CYP4F2: variants seen among roughly 807,000 people sequenced by gnomAD.
CYP4F2 encodes the protein cytochrome P450 family 4 subfamily F member 2, also known as cytochrome P450 4F2.
Under a neutral mutation model 58.9 loss-of-function variants are expected in CYP4F2, and 58 were observed. The ratio of observed to expected loss-of-function variants is 0.98; its 90% CI spans 0.80 to 1.23. CYP4F2 has a LOEUF of 1.23. Among genes scored for constraint, CYP4F2 ranks in the 50% most tolerant of loss-of-function variants. The pLI, the probability that CYP4F2 is intolerant of heterozygous loss-of-function variation, is 0.00. For missense variants in CYP4F2, 616 were observed against 685.6 expected (o/e 0.90, Z 1.13); for synonymous variants, 287 against 261.1 (o/e 1.10, Z -0.95).
At chr19:15,892,033 T>C (rs2089419125) in intron 5 of CYP4F2, among the ~76,000 whole-genome samples, 1 of 152,218 alleles carries the variant, frequency 6.6e-6, no homozygotes, top group Non-Finnish European at 1.5e-5. Context: ...ATTGTTGTCA[T>C]GACCCTCTTG....
rs565243980 is a variant in CYP4F2, at chr19:15,893,280, T to TCCCAGACCTCACACAACC, written c.344-716_344-699dup. Among the ~76,000 whole-genome samples, 1,180 of 151,840 alleles carry TCCCAGACCTCACACAACC rather than the reference T, an allele frequency of 7.8e-3. 17 individuals carry two copies. The highest frequency in any genetic ancestry group is 0.026 in the African/African-American group (1,072 of 41,352). On this transcript the variant is annotated intron_variant, in intron 3 of 12. Transcript: ENST00000221700. ...AGACAGTTCACATAGGGACCCTGGG[T>TCCCAGACCTCACACAACC]CCCAGACCTCACACAACCCCCAGAC...
intron 7 of CYP4F2, among the ~76,000 whole-genome samples, chr19:15,887,650 A>T (rs543045411): frequency 6.6e-6 from 1 of 151,838 alleles, no homozygotes; most frequent in South Asian, 2.1e-4. Flanking sequence ...AGAAACATGG[A>T]CACACAAATA....
Position 15,893,870 on chromosome 19 carries a change from T to C in CYP4F2, c.344-1288A>G, listed in dbSNP as rs2089431981. 2 of 265,922 alleles carry C rather than the reference T, an allele frequency of 7.5e-6. 1 individual carries two copies. Among genetic ancestry groups the C allele is most frequent in the Non-Finnish European group, 1.5e-5 (2 of 129,722 alleles). 16.5% of individuals were successfully genotyped at this position (265,922 alleles called of 1,614,324 possible). ...TTTGTGTGTATAGGAGACCTTCTTC[T>C]GAGCTGTGAATCTGGAGAAAAACAC... On this transcript the variant is annotated intron_variant, in intron 3 of 12. Transcript: ENST00000221700.
In CYP4F2 at chr19:15,895,622, A is replaced by T. The variant is rs1181224516; in HGVS notation, c.227T>A (p.Val76Asp). ...MVNPTEEGMR[V>D]LTQLVATYPQ... is the part of the protein sequence containing the mutation. ...GTAGGTGGCCACCAGCTGAGTCAGA[A>T]CTCTCATGCCCTCCTCTGTGGGGTT... is the stretch of plus-strand genomic sequence containing the variant. Residue 76 changes from valine to aspartate, a missense_variant, in exon 3 of 13, where the codon GTT becomes GAT. Physicochemically the swap from Val to Asp is radical, Grantham distance 152 (BLOSUM62 -3). Transcript: ENST00000221700. The T allele has an allele frequency of 6.3e-7, 1 of 1,596,898 alleles. No individual in the cohort carries two copies. The highest frequency in any genetic ancestry group is 8.5e-7 in the Non-Finnish European group (1 of 1,172,702).
intron 9 of CYP4F2, among the ~76,000 whole-genome samples, chr19:15,884,271 A>C (rs2089362266): frequency 6.6e-6 from 1 of 152,118 alleles, no homozygotes; most frequent in Non-Finnish European, 1.5e-5. Flanking sequence ...CAAATATCGC[A>C]TGTTCTCACT....
intron 9 of CYP4F2, among the ~76,000 whole-genome samples, chr19:15,885,690 T>C (rs1293633759): frequency 5.3e-5 from 8 of 151,968 alleles, no homozygotes; most frequent in African/African-American, 1.9e-4. Context: ...GCGTTATCTG[T>C]CCTCACATAT....
intron 9 of CYP4F2, among the ~76,000 whole-genome samples, chr19:15,884,016 G>C (rs868776472): frequency 6.6e-6 from 1 of 152,012 alleles, no homozygotes; most frequent in African/African-American, 2.4e-5. Context: ...CCAAGATCGT[G>C]CCACCGCACT....
intron 4 of CYP4F2, 41 bp from the exon 5 acceptor site, chr19:15,892,477 TC>T: frequency 6.2e-7 from 1 of 1,613,884 alleles, no homozygotes; most frequent in Non-Finnish European, 8.5e-7. Flanking sequence ...GACCTCTCCC[TC>T]CCCTGGCCCC....
chr19:15,884,647 C>G (rs1005477860), intron 9 of CYP4F2, among the ~76,000 whole-genome samples: 2 of 152,144 alleles, frequency 1.3e-5, no homozygotes, highest in African/African-American at 4.8e-5. Flanking sequence ...GTTAAAAATG[C>G]AGAAAAATTA....
chr19:15,890,409 C>T lies in CYP4F2; in HGVS notation c.550G>A (p.Glu184Lys), dbSNP rs368316019. 3 of 1,614,132 alleles carry T rather than the reference C, an allele frequency of 1.9e-6. No homozygotes were observed. Among genetic ancestry groups the T allele is most frequent in the Middle Eastern group, 1.6e-4 (1 of 6,062 alleles). Residue 184 changes from glutamate to lysine, a missense_variant, in exon 6 of 13, where the codon GAG becomes AAG. Physicochemically the swap from Glu to Lys is moderately conservative, Grantham distance 56. Coordinates refer to ENST00000221700, the MANE Select transcript of CYP4F2 (RefSeq NM_001082.5). ...MHAKWQLLASEGSACLDMFEH... is the reference protein window; with the variant it reads ...MHAKWQLLASKGSACLDMFEH... ...AACATATCCAAACAGGCACTACCCT[C>T]TGAGGCCAGGAGCTGCCACTTGGCC...
intron 9 of CYP4F2, among the ~76,000 whole-genome samples, chr19:15,884,882 C>T (rs1005759365): frequency 1.3e-5 from 2 of 152,166 alleles, no homozygotes; most frequent in Non-Finnish European, 2.9e-5. Flanking sequence ...GAAAGATCTT[C>T]CTGGTACCCA....
chr19:15,885,593 G>C (rs1232819293), intron 9 of CYP4F2, among the ~76,000 whole-genome samples: 5 of 152,172 alleles, frequency 3.3e-5, no homozygotes, highest in East Asian at 1.9e-4. Context: ...AAACATTCAA[G>C]AAGTGAAGAT....
At chr19:15,885,792 G>A (rs547300693) in intron 9 of CYP4F2, 132 bp downstream of exon 9, 2 of 1,385,666 alleles carry the variant, frequency 1.4e-6, no homozygotes, top group Admixed American at 2.4e-5. Context: ...AGTCCTGCCT[G>A]TGGTCCTCTG....
At chr19:15,895,806 A>C (rs2089444132) in intron 2 of CYP4F2, among the ~76,000 whole-genome samples, 156 bp from the exon 3 acceptor site, 1 of 152,024 alleles carries the variant, frequency 6.6e-6, no homozygotes, top group Non-Finnish European at 1.5e-5. Context: ...CTATATATCT[A>C]TCTGCCTACC....
chr19:15,892,489 C>A (rs773403897), intron 4 of CYP4F2, 40 bp downstream of exon 4: 4 of 1,614,046 alleles, frequency 2.5e-6, no homozygotes, highest in Admixed American at 1.7e-5. Flanking sequence ...CCCTGGCCCC[C>A]CAACGTTTTT....
chr19:15,886,424 A>C, intron 7 of CYP4F2, 116 bp from the exon 8 acceptor site: 1 of 1,394,554 alleles, frequency 7.2e-7, no homozygotes, highest in Non-Finnish European at 1.0e-6. Context: ...TTTTTCCAGA[A>C]ATCCAAGTCC....
At chr19:15,879,718 C>T (rs2089331442) in intron 10 of CYP4F2, 46 bp downstream of exon 10, 1 of 1,613,812 alleles carries the variant, frequency 6.2e-7, no homozygotes. Flanking sequence ...CACTGAGGGG[C>T]CCCTCTTCCT....
chr19:15,891,720 GGCGC>G (rs1168654996), intron 5 of CYP4F2, among the ~76,000 whole-genome samples: 4 of 152,076 alleles, frequency 2.6e-5, no homozygotes, highest in Non-Finnish European at 5.9e-5. Flanking sequence ...TGTGAACCAT[GGCGC>G]GCCTTCTGGA....
At chr19:15,881,809 A>G (rs895341470) in intron 9 of CYP4F2, among the ~76,000 whole-genome samples, 10 of 152,118 alleles carry the variant, frequency 6.6e-5, no homozygotes, top group Admixed American at 1.3e-4. Context: ...CTTAAAAAAA[A>G]AAAAAGAAAG....
Sources: gnomAD v4.1 joint callset for allele counts (sites outside exome capture counted in the v4.1 genomes callset) on GRCh38, gnomAD v4.1.1 for gene constraint, MANE v1.5 for transcripts, NCBI Gene and HGNC (gene_info 2026-07-23, HGNC 2026-07-21) for gene names.